STAM2: variants seen among roughly 807,000 people sequenced by gnomAD.
STAM2 encodes signal transducing adaptor molecule 2, also known as signal transducing adapter molecule 2.
In STAM2, 51 loss-of-function variants were observed where a neutral mutation model predicts 65.6. That is an observed-to-expected ratio of 0.78 (90% CI 0.62 to 0.98). The LOEUF (loss-of-function observed/expected upper bound fraction) is 0.98. Ranked by LOEUF, STAM2 falls within the 50% of genes least tolerant of loss-of-function variation. The pLI is 0.00. For missense variants in STAM2, 584 were observed against 617.8 expected (o/e 0.95, Z 0.58); for synonymous variants, 198 against 208.4 (o/e 0.95, Z 0.43).
At chr2:152,161,021 G>A (rs1310386404) in intron 1 of STAM2, among the ~76,000 whole-genome samples, 2 of 152,246 alleles carry the variant, frequency 1.3e-5, no homozygotes, top group Non-Finnish European at 1.5e-5. Context: ...TTGAGAGTGG[G>A]CCATGATGAC....
At chr2:152,159,235 G>C (rs369456063) in intron 1 of STAM2, among the ~76,000 whole-genome samples, 1 of 151,058 alleles carries the variant, frequency 6.6e-6, no homozygotes, top group Non-Finnish European at 1.5e-5. Context: ...GTGCCCAGGA[G>C]TTTAAAGCTG....
chr2:152,146,618 C>A (rs771251676), intron 5 of STAM2, among the ~76,000 whole-genome samples: 25 of 152,144 alleles, frequency 1.6e-4, no homozygotes, highest in African/African-American at 2.7e-4. Context: ...CCTCTCAATT[C>A]CATGAATTTG....
intron 2 of STAM2, 59 bp downstream of exon 2, chr2:152,150,086 A>C: frequency 2.5e-6 from 3 of 1,181,736 alleles, no homozygotes; most frequent in East Asian, 2.3e-5. Context: ...TTACATCACA[A>C]AAAGAGACAC....
intron 7 of STAM2, among the ~76,000 whole-genome samples, chr2:152,141,867 G>A (rs1196903825): frequency 6.6e-6 from 1 of 152,126 alleles, no homozygotes; most frequent in Non-Finnish European, 1.5e-5. Context: ...GGGATTACAG[G>A]TGTTAGCCAC....
Position 152,120,200 on chromosome 2 carries a change from ACTCT to A in STAM2, c.*370_*373del. ...AGTATGAGATACTTTTGACAAACTC[ACTCT>A]GTCGATCATGCTACTGCACTCCAGC... On this transcript the variant is annotated 3_prime_UTR_variant, in exon 14 of 14. Transcript: ENST00000263904. 6.0e-6 allele frequency: 1 copy of A among 167,300 alleles called. No individual in the cohort carries two copies. Among genetic ancestry groups the A allele is most frequent in the Non-Finnish European group, 1.2e-5 (1 of 82,786 alleles). The allele number at this position is 167,300 out of a possible 1,614,324, so 10.4% of individuals were successfully genotyped here.
intron 1 of STAM2, among the ~76,000 whole-genome samples, chr2:152,150,787 C>T (rs547235423): frequency 1.3e-4 from 20 of 152,326 alleles, no homozygotes; most frequent in African/African-American, 4.1e-4. Flanking sequence ...GCCTGGATGA[C>T]AGGGTGAGAC....
chr2:152,121,290 A>G (rs1316660373), intron 13 of STAM2, among the ~76,000 whole-genome samples: 2 of 152,158 alleles, frequency 1.3e-5, no homozygotes, highest in African/African-American at 4.8e-5. Context: ...TGTAATTTTT[A>G]TATTTGGTAA....
intron 7 of STAM2, among the ~76,000 whole-genome samples, chr2:152,135,938 A>C (rs987789186): frequency 1.3e-5 from 2 of 151,868 alleles, no homozygotes; most frequent in African/African-American, 4.8e-5. Flanking sequence ...AAAAATACAA[A>C]AATTAGCCAG....
At chr2:152,136,052 T>C (rs959994649) in intron 7 of STAM2, among the ~76,000 whole-genome samples, 7 of 142,832 alleles carry the variant, frequency 4.9e-5, no homozygotes. Context: ...ATGGCACCAC[T>C]GCACTCCAGC....
intron 2 of STAM2, among the ~76,000 whole-genome samples, chr2:152,148,777 A>G (rs1393862708): frequency 6.6e-6 from 1 of 152,196 alleles, no homozygotes; most frequent in Non-Finnish European, 1.5e-5. Flanking sequence ...GGCTCATAGA[A>G]CTTTAAAAAA....
chr2:152,135,553 G>A lies in STAM2; in HGVS notation c.755C>T (p.Pro252Leu). Residue 252 changes from proline to leucine, a missense_variant, in exon 8 of 14, where the codon CCA (proline) becomes CTA (leucine). Transcript: ENST00000263904. ...GENHRGIGLF[P>L]SNFVTTNLNI... ...TAAATTAGTTGTTACAAAATTGGAT[G>A]GGAAAAGTCCTATTCCTCTGTGATT... The A allele has an allele frequency of 1.9e-6, 3 of 1,612,586 alleles. No homozygotes were observed. Among genetic ancestry groups the A allele is most frequent in the Non-Finnish European group, 2.5e-6 (3 of 1,179,406 alleles).
chr2:152,131,017 A>C (rs1328389260), intron 11 of STAM2, among the ~76,000 whole-genome samples: 2 of 151,616 alleles, frequency 1.3e-5, no homozygotes, highest in East Asian at 3.9e-4. Context: ...AAAAGAAAAA[A>C]AGAAAAACAA....
At chr2:152,123,135 G>C (rs1259071641) in intron 13 of STAM2, among the ~76,000 whole-genome samples, 1 of 151,600 alleles carries the variant, frequency 6.6e-6, no homozygotes. Context: ...TTGGGAGGCT[G>C]AGGCGGGTGG....
chr2:152,161,828 CT>C (rs1485823473), intron 1 of STAM2, among the ~76,000 whole-genome samples: 2 of 147,340 alleles, frequency 1.4e-5, no homozygotes, highest in Admixed American at 6.8e-5. Flanking sequence ...ATTTTTTTTT[CT>C]TTTTTTTTTG....
intron 1 of STAM2, among the ~76,000 whole-genome samples, chr2:152,153,293 AACAT>A (rs1337436659): frequency 6.6e-6 from 1 of 152,144 alleles, no homozygotes; most frequent in Non-Finnish European, 1.5e-5. Flanking sequence ...AATCTAGCAA[AACAT>A]ACATATATAT....
intron 11 of STAM2, among the ~76,000 whole-genome samples, chr2:152,129,296 A>G (rs1302790498): frequency 1.3e-5 from 2 of 152,136 alleles, no homozygotes; most frequent in Non-Finnish European, 2.9e-5. Context: ...ACAGGCGCAC[A>G]CCACCAAGCC....
At chr2:152,144,204 C>T (rs920367134) in intron 6 of STAM2, among the ~76,000 whole-genome samples, 191 bp from the exon 7 acceptor site, 4 of 152,006 alleles carry the variant, frequency 2.6e-5, no homozygotes, top group Non-Finnish European at 5.9e-5. Context: ...TTTGCTCATT[C>T]TTTATTATCA....
chr2:152,148,189 A>G (rs778519924), intron 3 of STAM2, 36 bp downstream of exon 3: 2 of 1,596,714 alleles, frequency 1.3e-6, no homozygotes. Context: ...AACACATTTA[A>G]AATTTGCGTC....
intron 1 of STAM2, among the ~76,000 whole-genome samples, chr2:152,166,130 C>T (rs1467730199): frequency 6.6e-6 from 1 of 152,054 alleles, no homozygotes; most frequent in Non-Finnish European, 1.5e-5. Flanking sequence ...GCCCAGATCA[C>T]GCCACTGCAT....
Sources: allele counts gnomAD v4.1 joint callset (sites outside exome capture counted in the v4.1 genomes callset), GRCh38; gene constraint gnomAD v4.1.1; transcripts MANE v1.5; gene names NCBI Gene and HGNC (gene_info 2026-07-23, HGNC 2026-07-21).